Variants in BPHL observed in about 807,000 individuals in gnomAD.
The protein encoded by BPHL is biphenyl hydrolase like, also known as serine hydrolase BPHL.
BPHL carries 27 observed loss-of-function variants against 31.2 expected under a neutral mutation model. The observed-to-expected ratio is 0.87, with a 90% CI of 0.64 to 1.19. BPHL has a LOEUF of 1.19. Among genes scored for constraint, BPHL ranks in the 50% most tolerant of loss-of-function variants. BPHL has a pLI of 0.00. For missense variants in BPHL, 356 were observed against 375.7 expected (o/e 0.95, Z 0.43); for synonymous variants, 150 against 146.8 (o/e 1.02, Z -0.16).
chr6:3,140,727 T>C lies in BPHL; in HGVS notation c.788+218T>C, dbSNP rs1165658963. ...AACCAGAAGGAAAGGCATGTTCAGA[T>C]AGACAGCTCTTACTTTCATGAGTGG... On this transcript the variant is annotated intron_variant, in intron 6 of 6. Coordinates refer to ENST00000380379, the MANE Select transcript of BPHL (RefSeq NM_004332.4). This position sits in a 1 kb window ranked among gnomAD's most constrained non-coding sequence, Gnocchi z 5.2. Among the ~76,000 whole-genome samples, 3 of 152,250 alleles carry C rather than the reference T, an allele frequency of 2.0e-5. No homozygotes were observed. Among genetic ancestry groups the C allele is most frequent in the Non-Finnish European group, 4.4e-5 (3 of 68,042 alleles).
intron 6 of BPHL, among the ~76,000 whole-genome samples, chr6:3,151,038 C>T (rs1762508558): frequency 6.6e-6 from 1 of 152,166 alleles, no homozygotes. Context: ...CGAGGTTCTC[C>T]TTCCTTCCTT....
chr6:3,127,590 G>A (rs1330413613), intron 3 of BPHL, among the ~76,000 whole-genome samples, 182 bp downstream of exon 3: 1 of 152,190 alleles, frequency 6.6e-6, no homozygotes, highest in Non-Finnish European at 1.5e-5. Flanking sequence ...CAGCTCTCTA[G>A]AGACACTACC....
At chr6:3,144,389 TTG>T (rs1762267926) in intron 6 of BPHL, among the ~76,000 whole-genome samples, 1 of 145,196 alleles carries the variant, frequency 6.9e-6, no homozygotes, top group Non-Finnish European at 1.5e-5. Flanking sequence ...TTTTTTTTTT[TTG>T]TTTTTTTTTT....
chr6:3,143,429 G>A (rs144006418), intron 6 of BPHL, among the ~76,000 whole-genome samples: 7 of 152,306 alleles, frequency 4.6e-5, no homozygotes, highest in African/African-American at 1.7e-4. Flanking sequence ...TGTGGTAGAA[G>A]AAAAATAAGA....
intron 5 of BPHL, 60 bp downstream of exon 5, chr6:3,137,553 C>T: frequency 6.2e-7 from 1 of 1,602,124 alleles, no homozygotes; most frequent in Non-Finnish European, 8.5e-7. Context: ...AGTTCCTCCC[C>T]AGTGTTCTGG....
Position 3,129,131 on chromosome 6 carries a change from CATCCACAAGATGGTG to C in BPHL, c.469_483del (p.His157_Ile161del), listed in dbSNP as rs756593209. The C allele has an allele frequency of 6.2e-7, 1 of 1,613,384 alleles. No individual in the cohort carries two copies. Among genetic ancestry groups the C allele is most frequent in the Admixed American group, 1.7e-5 (1 of 59,972 alleles). ...TTGCTGCTGCAAAATATCCATCTTA[CATCCACAAGATGGTG>C]ATCTGGGGCGCCAACGCCTACGTCA... On this transcript the variant is annotated inframe_deletion, in exon 4 of 7. Coordinates refer to ENST00000380379, the MANE Select transcript of BPHL (RefSeq NM_004332.4).
intron 4 of BPHL, among the ~76,000 whole-genome samples, chr6:3,135,027 A>G (rs1761976285): frequency 6.6e-6 from 1 of 152,156 alleles, no homozygotes; most frequent in Non-Finnish European, 1.5e-5. Flanking sequence ...GTGAGCCACC[A>G]TGCCGCCCGG....
intron 6 of BPHL, among the ~76,000 whole-genome samples, chr6:3,152,272 A>G (rs562174683): frequency 1.3e-5 from 2 of 152,328 alleles, no homozygotes; most frequent in East Asian, 3.9e-4. Flanking sequence ...TCATTGCCTT[A>G]TAGTCAACCT....
At chr6:3,132,258 A>G (rs569387513) in intron 4 of BPHL, among the ~76,000 whole-genome samples, 89 of 152,158 alleles carry the variant, frequency 5.8e-4, no homozygotes, top group Non-Finnish European at 1.1e-3. Context: ...GAACATGCTC[A>G]TGATGTGTGC....
chr6:3,130,904 C>T (rs1761852579), intron 4 of BPHL, among the ~76,000 whole-genome samples: 1 of 152,050 alleles, frequency 6.6e-6, no homozygotes, highest in African/African-American at 2.4e-5. Flanking sequence ...TGTCTGTGCT[C>T]CTGCTTGTCC....
intron 4 of BPHL, among the ~76,000 whole-genome samples, chr6:3,132,240 G>A (rs1761893346): frequency 1.3e-5 from 2 of 152,310 alleles, no homozygotes; most frequent in East Asian, 3.9e-4. Flanking sequence ...TCATTCTGCA[G>A]CGTTTGAGAA....
chr6:3,118,519 G>A (rs1761450789), upstream of BPHL: 1 of 379,492 alleles, frequency 2.6e-6, no homozygotes, highest in Non-Finnish European at 4.7e-6. Context: ...GGTCTACGCG[G>A]GTGCCGGCGG....
intron 1 of BPHL, among the ~76,000 whole-genome samples, chr6:3,119,068 AGT>A (rs1203918979): frequency 6.6e-6 from 1 of 152,212 alleles, no homozygotes; most frequent in Admixed American, 6.5e-5. Flanking sequence ...GGTCAGCCTC[AGT>A]TCAAGGAGTC....
At position 3,123,741 on chromosome 6, in the gene BPHL, G is replaced by C. The variant is rs369249198; in HGVS notation, c.192G>C (p.Leu64=). ...QQTGEGDHAV[L]LLPGMLGSGE... is the part of the protein sequence containing the mutation. ...CTGGAGAGGGAGATCACGCAGTCCT[G>C]CTACTTCCTGGGATGTTAGGTCTGG... is the stretch of plus-strand genomic sequence containing the variant. Residue 64 remains leucine (L), a synonymous_variant, in exon 2 of 7, where the codon CTG becomes CTC. Transcript: ENST00000380379. 1.2e-5 allele frequency: 19 copies of C among 1,612,760 alleles called. No individual in the cohort carries two copies. The South Asian group carries it at 1.5e-4, about 13-fold the overall frequency.
At chr6:3,150,026 T>C (rs1480058207) in intron 6 of BPHL, 3 of 152,258 alleles carry the variant, frequency 2.0e-5, no homozygotes, top group Non-Finnish European at 4.4e-5. Flanking sequence ...CAACCAGGTT[T>C]GGATGGCGTC....
At chr6:3,135,872 G>A (rs6936911) in intron 4 of BPHL, among the ~76,000 whole-genome samples, 5,655 of 152,250 alleles carry the variant, frequency 0.037, 343 homozygotes, top group African/African-American at 0.13. Context: ...ATTTGCATTT[G>A]TTGCTCTTGG....
chr6:3,129,804 G>A (rs1191453471), intron 4 of BPHL, among the ~76,000 whole-genome samples: 2 of 150,302 alleles, frequency 1.3e-5, no homozygotes, highest in Non-Finnish European at 3.0e-5. Context: ...CTGTCTTTGA[G>A]GTTTTTTTTT....
intron 6 of BPHL, among the ~76,000 whole-genome samples, chr6:3,145,580 CG>C (rs1259628835): frequency 4.7e-4 from 10 of 21,268 alleles, no homozygotes; most frequent in African/African-American, 5.5e-4. Flanking sequence ...TGGTGTGGGT[CG>C]GAGTGCTGGT....
intron 6 of BPHL, among the ~76,000 whole-genome samples, chr6:3,141,764 A>G (rs537939022): frequency 6.6e-5 from 10 of 152,218 alleles, no homozygotes; most frequent in South Asian, 2.1e-4. Flanking sequence ...ACTTGAGGCC[A>G]GGAGTTCAAG....
Sources: gnomAD v4.1 joint callset for allele counts (sites outside exome capture counted in the v4.1 genomes callset) on GRCh38, gnomAD v4.1.1 for gene constraint, Gnocchi (gnomAD v3.1) non-coding constraint, MANE v1.5 for transcripts, NCBI Gene and HGNC (gene_info 2026-07-23, HGNC 2026-07-21) for gene names.